FGF12: variants seen among roughly 807,000 people sequenced by gnomAD.
FGF12 encodes the protein fibroblast growth factor 12B.
FGF12 carries 14 observed loss-of-function variants against 23.6 expected under a neutral mutation model. The ratio of observed to expected loss-of-function variants is 0.59; its 90% CI spans 0.39 to 0.93. The LOEUF (loss-of-function observed/expected upper bound fraction) is 0.93. Ranked by LOEUF, FGF12 falls within the 40% of genes least tolerant of loss-of-function variation. The probability of loss-of-function intolerance (pLI) is 0.00; values close to 1 mark genes in which losing one functional copy is unlikely to be tolerated. For missense variants in FGF12, 175 were observed against 217.8 expected (o/e 0.80, Z 1.24); for synonymous variants, 62 against 77.3 (o/e 0.80, Z 1.04).
At chr3:192,359,178 G>A (rs1464939) in intron 3 of FGF12, among the ~76,000 whole-genome samples, 32,101 of 151,972 alleles carry the variant, frequency 0.21, 3,592 homozygotes, top group Admixed American at 0.29. Context: ...AAATCTGAGA[G>A]CAAGAAAACT....
intron 2 of FGF12, among the ~76,000 whole-genome samples, chr3:192,492,944 T>C (rs906444664): frequency 2.7e-5 from 4 of 150,640 alleles, no homozygotes; most frequent in African/African-American, 9.9e-5. Context: ...TCATGCCTGG[T>C]TAATTTTTGT....
At chr3:192,626,769 T>C (rs1715185551) in intron 2 of FGF12, among the ~76,000 whole-genome samples, 1 of 152,062 alleles carries the variant, frequency 6.6e-6, no homozygotes, top group African/African-American at 2.4e-5. Context: ...CATGTCCAGT[T>C]AATTTTTAAA....
chr3:192,363,266 TA>T (rs1221147507), intron 2 of FGF12, among the ~76,000 whole-genome samples: 1 of 152,068 alleles, frequency 6.6e-6, no homozygotes, highest in African/African-American at 2.4e-5. Context: ...GTCATGTTTT[TA>T]TTGGTAATGA....
chr3:192,150,644 C>G (rs1713998793), intron 5 of FGF12, among the ~76,000 whole-genome samples: 1 of 150,128 alleles, frequency 6.7e-6, no homozygotes, highest in Non-Finnish European at 1.5e-5. Flanking sequence ...GGCATTATTT[C>G]TGAGGGCTCT....
In FGF12 at chr3:192,727,110, C is replaced by A. The variant is rs13060864; in HGVS notation, c.13+71G>T. 0.2 allele frequency: 313,744 copies of A among 1,538,016 alleles called. 34,307 individuals carry two copies. The highest frequency in any genetic ancestry group is 0.35 in the East Asian group (14,482 of 41,008). On this transcript the variant is annotated intron_variant, in intron 2 of 5. Coordinates refer to ENST00000445105, the MANE Select transcript of FGF12 (RefSeq NM_004113.6). ...ATGCTCGCTCCCCAAGCACTGCAGT[C>A]CCCTCGCCGAGGATTGCCTTGGCCA...
At chr3:192,667,790 G>A (rs1259169216) in intron 2 of FGF12, among the ~76,000 whole-genome samples, 1 of 151,980 alleles carries the variant, frequency 6.6e-6, no homozygotes, top group Non-Finnish European at 1.5e-5. Flanking sequence ...CAGGAGGCGA[G>A]AGGTCAGAAA....
At chr3:192,192,111 C>T (rs533606680) in intron 4 of FGF12, among the ~76,000 whole-genome samples, 1 of 152,194 alleles carries the variant, frequency 6.6e-6, no homozygotes, top group Admixed American at 6.5e-5. Flanking sequence ...TCATTGGATC[C>T]AAAAACTTTA....
At chr3:192,188,830 G>A (rs541036643) in intron 4 of FGF12, among the ~76,000 whole-genome samples, 2 of 152,292 alleles carry the variant, frequency 1.3e-5, no homozygotes, top group African/African-American at 4.8e-5. Context: ...TGAAAAGAAC[G>A]TGGGTAACCA....
At chr3:192,602,055 A>G (rs1473904970) in intron 2 of FGF12, among the ~76,000 whole-genome samples, 1 of 152,162 alleles carries the variant, frequency 6.6e-6, no homozygotes, top group Non-Finnish European at 1.5e-5. Context: ...TTAAACTGAT[A>G]GAATGTACAA....
chr3:192,578,940 A>G (rs1034476661), intron 2 of FGF12, among the ~76,000 whole-genome samples: 5 of 152,238 alleles, frequency 3.3e-5, no homozygotes, highest in African/African-American at 1.2e-4. Context: ...CCATCTGCTC[A>G]CATTTAAAAA....
intron 2 of FGF12, among the ~76,000 whole-genome samples, chr3:192,704,946 C>T (rs896770852): frequency 1.3e-5 from 2 of 152,220 alleles, no homozygotes; most frequent in African/African-American, 2.4e-5. Context: ...GTGCAGCTTC[C>T]TCATCTCTCT....
chr3:192,231,111 G>A (rs1346462486), intron 4 of FGF12, among the ~76,000 whole-genome samples: 2 of 152,016 alleles, frequency 1.3e-5, no homozygotes, highest in African/African-American at 4.8e-5. Context: ...ATCTGTTAAG[G>A]GAAAACCTAT....
intron 2 of FGF12, among the ~76,000 whole-genome samples, chr3:192,376,096 C>A (rs2108748080): frequency 1.3e-5 from 2 of 152,106 alleles, no homozygotes; most frequent in African/African-American, 4.8e-5. Flanking sequence ...GATGATCTGA[C>A]ATTGTATCTT....
intron 4 of FGF12, among the ~76,000 whole-genome samples, chr3:192,212,700 A>G (rs79175793): frequency 0.014 from 2,115 of 151,666 alleles, 37 homozygotes; most frequent in East Asian, 0.051. Context: ...GTCATTTAAC[A>G]GTCATAAATA....
chr3:192,240,932 G>C (rs1719584840), intron 4 of FGF12, among the ~76,000 whole-genome samples: 1 of 152,022 alleles, frequency 6.6e-6, no homozygotes, highest in African/African-American at 2.4e-5. Flanking sequence ...ATAAGAACAA[G>C]CCAATTACGA....
At chr3:192,706,567 C>A (rs1315378195) in intron 2 of FGF12, among the ~76,000 whole-genome samples, 1 of 152,112 alleles carries the variant, frequency 6.6e-6, no homozygotes, top group Non-Finnish European at 1.5e-5. Flanking sequence ...AGTAGTCAGG[C>A]CTCTATTAAT....
intron 2 of FGF12, among the ~76,000 whole-genome samples, chr3:192,438,418 G>C (rs528771039): frequency 6.6e-6 from 1 of 152,338 alleles, no homozygotes; most frequent in South Asian, 2.1e-4. Context: ...ACAAAAGTCT[G>C]ATGTTAAGCC....
At chr3:192,483,027 A>G (rs1723523233) in intron 2 of FGF12, among the ~76,000 whole-genome samples, 1 of 152,146 alleles carries the variant, frequency 6.6e-6, no homozygotes, top group Non-Finnish European at 1.5e-5. Flanking sequence ...ACCTGGCTTC[A>G]ATATATGTTT....
intron 2 of FGF12, among the ~76,000 whole-genome samples, chr3:192,511,343 G>A (rs1724467312): frequency 6.6e-6 from 1 of 152,154 alleles, no homozygotes; most frequent in Non-Finnish European, 1.5e-5. Flanking sequence ...TTTCTCAGGA[G>A]CCTGATCATT....
Sources: allele counts gnomAD v4.1 joint callset (sites outside exome capture counted in the v4.1 genomes callset), GRCh38; gene constraint gnomAD v4.1.1; transcripts MANE v1.5; gene names NCBI Gene and HGNC (gene_info 2026-07-23, HGNC 2026-07-21).